Variants in EYA1 observed in about 807,000 individuals in gnomAD.
EYA1 encodes protein phosphatase EYA1.
In EYA1, 16 loss-of-function variants were observed where a neutral mutation model predicts 82.0. The ratio of observed to expected loss-of-function variants is 0.20; its 90% CI spans 0.13 to 0.30. The LOEUF (loss-of-function observed/expected upper bound fraction) is 0.30, where lower values mean the gene tolerates loss of function less well. EYA1 is among the 10% of genes least tolerant of loss of function. The pLI is 1.00. For synonymous variants in EYA1, 261 were observed against 264.4 expected, an observed-to-expected ratio of 0.99 and a Z score of 0.12; for missense variants, 633 against 730.7, an observed-to-expected ratio of 0.87 and a Z score of 1.54.
intron 2 of EYA1, among the ~76,000 whole-genome samples, chr8:71,509,535 T>C (rs996923256): frequency 2.0e-5 from 3 of 152,142 alleles, no homozygotes; most frequent in Non-Finnish European, 4.4e-5. Context: ...TGGAATCTTT[T>C]AAACAAAGAA....
At chr8:71,279,226 C>T (rs1817546288) in intron 9 of EYA1, among the ~76,000 whole-genome samples, 1 of 152,166 alleles carries the variant, frequency 6.6e-6, no homozygotes, top group Admixed American at 6.5e-5. Flanking sequence ...AATAACAGAG[C>T]ATATCACTTC....
intron 2 of EYA1, among the ~76,000 whole-genome samples, chr8:71,419,091 T>C (rs1831008549): frequency 6.6e-6 from 1 of 152,142 alleles, no homozygotes; most frequent in South Asian, 2.1e-4. Flanking sequence ...TTCTGGCCCA[T>C]CATGGCACTC....
intron 12 of EYA1, among the ~76,000 whole-genome samples, chr8:71,243,043 G>A (rs866633878): frequency 1.3e-5 from 2 of 152,044 alleles, no homozygotes; most frequent in Admixed American, 6.6e-5. Context: ...CTCCCAAAGC[G>A]CTGGGATTAC....
At chr8:71,363,759 A>G (rs74531532), upstream of EYA1, among the ~76,000 whole-genome samples, 236 of 152,308 alleles carry the variant, frequency 1.5e-3, no homozygotes, top group African/African-American at 5.4e-3. Context: ...TTGCAACCAC[A>G]TTTATTTCTA....
At chr8:71,352,986 AT>A (rs1281413592) in intron 3 of EYA1, among the ~76,000 whole-genome samples, 1 of 152,226 alleles carries the variant, frequency 6.6e-6, no homozygotes, top group East Asian at 1.9e-4. Context: ...ATTTCTTCAT[AT>A]ACAAAAAAAT....
chr8:71,506,946 T>G (rs1426530153), intron 2 of EYA1, among the ~76,000 whole-genome samples: 1 of 150,082 alleles, frequency 6.7e-6, no homozygotes, highest in East Asian at 2.0e-4. Flanking sequence ...ATATTAAAAG[T>G]TCATAAAAAC....
chr8:71,523,780 T>C (rs1813618775), intron 2 of EYA1, among the ~76,000 whole-genome samples: 1 of 152,240 alleles, frequency 6.6e-6, no homozygotes, highest in African/African-American at 2.4e-5. Context: ...GATGGCAGCC[T>C]GGCTCATAGT....
chr8:71,258,590 C>G (rs1814724547), intron 11 of EYA1, among the ~76,000 whole-genome samples: 1 of 152,162 alleles, frequency 6.6e-6, no homozygotes, highest in Non-Finnish European at 1.5e-5. Context: ...CAGAAACCAC[C>G]AGGAATTTTT....
At chr8:71,239,186 A>G (rs1198376721) in intron 12 of EYA1, among the ~76,000 whole-genome samples, 1 of 152,214 alleles carries the variant, frequency 6.6e-6, no homozygotes, top group Non-Finnish European at 1.5e-5. Flanking sequence ...CATTAGTTAC[A>G]ATGCAGCTAA....
At chr8:71,224,121 G>A (rs1022851103) in intron 12 of EYA1, among the ~76,000 whole-genome samples, 1 of 152,156 alleles carries the variant, frequency 6.6e-6, no homozygotes, top group African/African-American at 2.4e-5. Context: ...AACAGAGAAG[G>A]AAGTCTCTAG....
intron 17 of EYA1, among the ~76,000 whole-genome samples, chr8:71,208,868 A>G (rs1808170310): frequency 6.6e-6 from 1 of 152,242 alleles, no homozygotes; most frequent in Admixed American, 6.5e-5. Context: ...AACTTCTAAG[A>G]ATTGTACTTA....
rs143481647 is a variant in EYA1, at chr8:71,324,808, C to T, written c.203-2540G>A. Among the ~76,000 whole-genome samples the T allele has an allele frequency of 2.0e-3, 303 of 152,230 alleles. 1 individual carries two copies. Among genetic ancestry groups the T allele is most frequent in the African/African-American group, 7.0e-3 (293 of 41,566 alleles). On this transcript the variant is annotated intron_variant, in intron 4 of 17. Coordinates refer to ENST00000340726, the MANE Select transcript of EYA1 (RefSeq NM_000503.6). ...CTATTTCATGACTCAGGTGGCTCCC[C>T]GACCCCCAATCCAGAATTGCCTGTT...
At chr8:71,537,662 A>T (rs1399210483) in intron 1 of EYA1, among the ~76,000 whole-genome samples, 1 of 152,180 alleles carries the variant, frequency 6.6e-6, no homozygotes, top group Non-Finnish European at 1.5e-5. Context: ...TCTAAGACAA[A>T]GCCCCCTCTG....
At chr8:71,456,361 C>CT (rs1055573487) in intron 2 of EYA1, among the ~76,000 whole-genome samples, 7 of 152,142 alleles carry the variant, frequency 4.6e-5, no homozygotes, top group Non-Finnish European at 1.0e-4. Context: ...AATGTCATCC[C>CT]CATCAAGCTA....
At chr8:71,289,724 T>C (rs1306417838) in intron 9 of EYA1, among the ~76,000 whole-genome samples, 1 of 152,224 alleles carries the variant, frequency 6.6e-6, no homozygotes. Context: ...GTGGGAATTA[T>C]CTAAGTTAAT....
chr8:71,433,543 C>A (rs577082956), intron 2 of EYA1, among the ~76,000 whole-genome samples: 3 of 152,252 alleles, frequency 2.0e-5, no homozygotes, highest in Admixed American at 6.5e-5. Context: ...GTGGCTCAGG[C>A]AAATTAAGTC....
At chr8:71,269,705 A>C (rs1257627355) in intron 11 of EYA1, 35 bp downstream of exon 11, 3 of 1,508,224 alleles carry the variant, frequency 2.0e-6, no homozygotes, top group African/African-American at 2.7e-5. Context: ...TATTTACTCC[A>C]AAGAAATTAA....
At chr8:71,342,515 C>T (rs1467807391) in intron 3 of EYA1, among the ~76,000 whole-genome samples, 1 of 152,122 alleles carries the variant, frequency 6.6e-6, no homozygotes, top group Non-Finnish European at 1.5e-5. Flanking sequence ...TTCTTCTGTA[C>T]TCTGAGAGCA....
intron 12 of EYA1, among the ~76,000 whole-genome samples, chr8:71,230,659 C>T (rs1003992499): frequency 6.6e-6 from 1 of 152,174 alleles, no homozygotes; most frequent in African/African-American, 2.4e-5. Flanking sequence ...CCACACTGTT[C>T]CTGGTAGCTT....
Sources: gnomAD v4.1 joint callset for allele counts (sites outside exome capture counted in the v4.1 genomes callset) on GRCh38, gnomAD v4.1.1 for gene constraint, MANE v1.5 for transcripts, NCBI Gene and HGNC (gene_info 2026-07-23, HGNC 2026-07-21) for gene names.